The following PHLDB1 variants were observed in gnomAD, a reference collection of about 807,000 sequenced individuals.
PHLDB1 encodes pleckstrin homology-like domain family B member 1.
Under a neutral mutation model 139.3 loss-of-function variants are expected in PHLDB1, and 65 were observed. That is an observed-to-expected ratio of 0.47 (90% CI 0.38 to 0.57). The LOEUF (loss-of-function observed/expected upper bound fraction) is 0.57. Ranked by LOEUF, PHLDB1 falls within the 20% of genes least tolerant of loss-of-function variation. The pLI, the probability that PHLDB1 is intolerant of heterozygous loss-of-function variation, is 0.00. For missense variants in PHLDB1, 1,624 were observed against 1,839.7 expected, an observed-to-expected ratio of 0.88 and a Z score of 2.14; for synonymous variants, 679 against 734.5, an observed-to-expected ratio of 0.92 and a Z score of 1.22.
In PHLDB1 at chr11:118,657,539, C is replaced by G. The variant is rs1196274679; in HGVS notation, c.*716C>G. 1 of 152,826 alleles carries G rather than the reference C, an allele frequency of 6.5e-6. No homozygotes were observed. Among genetic ancestry groups the G allele is most frequent in the African/African-American group, 2.4e-5 (1 of 41,438 alleles). The allele number at this position is 152,826 out of a possible 1,614,324, so 9.5% of individuals were successfully genotyped here. A position where few individuals can be genotyped will look rare whatever the true frequency, so the allele number is the denominator to read the frequency against. ...GGGACTGAATACCTTTTTCCTTCCC[C>G]CTGCCTGTGTCTTCAGCCCTGATGC... is the stretch of plus-strand genomic sequence containing the variant. On this transcript the variant is annotated 3_prime_UTR_variant, in exon 23 of 23. Coordinates refer to ENST00000600882, the MANE Select transcript of PHLDB1 (RefSeq NM_001144758.3).
intron 4 of PHLDB1, among the ~76,000 whole-genome samples, chr11:118,621,872 A>G (rs1373277172): frequency 6.6e-6 from 1 of 152,084 alleles, no homozygotes; most frequent in African/African-American, 2.4e-5. Context: ...AGGGTCTCTG[A>G]TAGGAAGGAC....
chr11:118,622,658 A>G (rs1555096307), intron 4 of PHLDB1, among the ~76,000 whole-genome samples: 2 of 152,114 alleles, frequency 1.3e-5, no homozygotes. Flanking sequence ...CTGTGTGGTC[A>G]GGCTCCTGAT....
Position 118,631,355 on chromosome 11 carries a change from G to C in PHLDB1, c.1976G>C (p.Gly659Ala), listed in dbSNP as rs1555110080. The C allele has an allele frequency of 1.3e-6, 2 of 1,532,816 alleles. No individual in the cohort carries two copies. The highest frequency in any genetic ancestry group is 2.5e-5 in the South Asian group (2 of 80,084). 95.0% of individuals were successfully genotyped at this position (1,532,816 alleles called of 1,614,324 possible). The change falls in exon 7 of 23, where the codon GGG becomes GCG. Residue 659 changes from glycine (G) to alanine (A), a missense_variant. Transcript: ENST00000600882. Reference sequence around the variant, plus strand: ...CGGAGGCCCTCACGAGGCCTTGCAGGGGCCTCTGGGCGGAGCAGCGAGGAG... The same window carrying C: ...CGGAGGCCCTCACGAGGCCTTGCAGCGGCCTCTGGGCGGAGCAGCGAGGAG... The part of the protein sequence containing the change: ...AGRRPSRGLA[G>A]ASGRSSEEPG...
In PHLDB1 at chr11:118,627,808, G is replaced by A. The variant is rs200088993; in HGVS notation, c.985G>A (p.Gly329Ser). The change falls in exon 6 of 23, where the codon GGT becomes AGT. Residue 329 changes from glycine (G) to serine (S), a missense_variant. Coordinates refer to ENST00000600882, the MANE Select transcript of PHLDB1 (RefSeq NM_001144758.3). ...HERPPSPGLRGLLTDSPAATV... is the reference protein window; with the variant it reads ...HERPPSPGLRSLLTDSPAATV... ...GAGGCCTCCCAGCCCTGGCCTCCGG[G>A]GTCTGCTGACAGACAGCCCTGCAGC... 59 of 1,604,630 alleles carry A rather than the reference G, an allele frequency of 3.7e-5. No individual in the cohort carries two copies. The highest frequency in any genetic ancestry group is 1.7e-4 in the Middle Eastern group (1 of 6,028).
chr11:118,628,653 G>A lies in PHLDB1; in HGVS notation c.1827+3G>A, dbSNP rs1555107021. The A allele has an allele frequency of 6.2e-7, 1 of 1,605,764 alleles. No individual in the cohort carries two copies. Among genetic ancestry groups the A allele is most frequent in the East Asian group, 2.2e-5 (1 of 44,586 alleles). Reference sequence around the variant, plus strand: ...GGGAGCAGGAGATGGAGAGGCTGGTGAGCGGGTGCCAGGGAGGCTTGCCAC... The same window carrying A: ...GGGAGCAGGAGATGGAGAGGCTGGTAAGCGGGTGCCAGGGAGGCTTGCCAC... On this transcript the variant is annotated splice_donor_region_variant and intron_variant, in intron 6 of 22. Coordinates refer to ENST00000600882, the MANE Select transcript of PHLDB1 (RefSeq NM_001144758.3).
intron 12 of PHLDB1, 53 bp downstream of exon 12, chr11:118,639,304 C>A: frequency 7.6e-7 from 1 of 1,323,124 alleles, no homozygotes; most frequent in Non-Finnish European, 1.1e-6. Flanking sequence ...TCCTGGGAGG[C>A]TCTGAGTAAC....
At chr11:118,652,325 T>C (rs1301039956) in intron 20 of PHLDB1, 3 of 152,124 alleles carry the variant, frequency 2.0e-5, no homozygotes, top group Non-Finnish European at 4.4e-5. Flanking sequence ...CTAGGGACTT[T>C]GGAGAGGAAG....
chr11:118,614,001 T>A, intron 2 of PHLDB1, 105 bp downstream of exon 2: 1 of 727,354 alleles, frequency 1.4e-6, no homozygotes, highest in East Asian at 2.7e-5. Context: ...GCAATTCTGT[T>A]CCTCTCTGCC....
chr11:118,653,930 G>A (rs1555139495), intron 20 of PHLDB1: 2 of 152,258 alleles, frequency 1.3e-5, no homozygotes, highest in African/African-American at 4.8e-5. Context: ...GGCTGGAGGA[G>A]ATAGTTCCAG....
chr11:118,642,456 T>C, intron 13 of PHLDB1, 62 bp downstream of exon 13: 1 of 1,543,158 alleles, frequency 6.5e-7, no homozygotes, highest in Non-Finnish European at 8.8e-7. Flanking sequence ...TGATACCTCC[T>C]GCCAATCCAT....
chr11:118,640,101 G>A, intron 12 of PHLDB1: 1 of 590,166 alleles, frequency 1.7e-6, no homozygotes, highest in African/African-American at 2.0e-5. Context: ...TAGCTGAAGG[G>A]CATGTGGTGA....
In PHLDB1 at chr11:118,645,439, G is replaced by A. The variant is rs782011224; in HGVS notation, c.3205G>A (p.Ala1069Thr). The change falls in exon 16 of 23, where the codon GCC becomes ACC. Residue 1069 changes from alanine (A) to threonine (T), a missense_variant. Transcript: ENST00000600882. This position sits in a 1 kb window ranked among gnomAD's most constrained non-coding sequence, Gnocchi z 5.1. ...AGCTGAGGCACAGTGCCAGTGGGAT[G>A]CCCTTCACGGGGCAGCACCCTTCCC... The part of the protein sequence containing the change: ...AAAEAQCQWD[A>T]LHGAAPFPAG... The A allele has an allele frequency of 1.1e-5, 17 of 1,583,922 alleles. No homozygotes were observed. Among genetic ancestry groups the A allele is most frequent in the Non-Finnish European group, 1.5e-5 (17 of 1,166,304 alleles).
intron 6 of PHLDB1, among the ~76,000 whole-genome samples, chr11:118,629,678 C>T (rs782256273): frequency 3.9e-5 from 6 of 152,092 alleles, no homozygotes; most frequent in Non-Finnish European, 8.8e-5. Context: ...TGAGATGAGG[C>T]GGATCCCATC....
Position 118,611,200 on chromosome 11 carries a change from C to A in PHLDB1, c.-21-2616C>A, listed in dbSNP as rs12291391. On this transcript the variant is annotated intron_variant, in intron 1 of 22. Coordinates refer to ENST00000600882, the MANE Select transcript of PHLDB1 (RefSeq NM_001144758.3). The surrounding 1 kb of genome is among the most constrained non-coding windows in gnomAD (Gnocchi z 4.7). Reference sequence around the variant, plus strand: ...GCGATCGCCCTTTGGGAAAGCACCGCCTGAGTGCAGGGCAGGTTGGCCTGG... The same window carrying A: ...GCGATCGCCCTTTGGGAAAGCACCGACTGAGTGCAGGGCAGGTTGGCCTGG... 0.012 allele frequency among the ~76,000 whole-genome samples: 1,866 copies of A among 152,326 alleles called. 49 individuals carry two copies. The highest frequency in any genetic ancestry group is 0.043 in the African/African-American group (1,782 of 41,564).
chr11:118,639,980 T>A (rs957776561), intron 12 of PHLDB1: 38 of 985,952 alleles, frequency 3.9e-5, no homozygotes, highest in Non-Finnish European at 4.3e-5. Flanking sequence ...CTGCTTCCAC[T>A]CTTCTCTGCC....
chr11:118,620,802 TAC>T lies in PHLDB1; in HGVS notation c.356-4130_356-4129del, dbSNP rs1942620189. On this transcript the variant is annotated intron_variant, in intron 4 of 22. Transcript: ENST00000600882. The surrounding 1 kb of genome is among the most constrained non-coding windows in gnomAD (Gnocchi z 4.1). ...GGAGGTGGGCTGAGTGCTTGCATTGTACAGAGCACTGCTTTGGCCTGAACTCC... is the reference window on the plus strand; with the variant it reads ...GGAGGTGGGCTGAGTGCTTGCATTGTAGAGCACTGCTTTGGCCTGAACTCC... Among the ~76,000 whole-genome samples the T allele has an allele frequency of 6.6e-6, 1 of 152,132 alleles. No individual in the cohort carries two copies. Among genetic ancestry groups the T allele is most frequent in the Non-Finnish European group, 1.5e-5 (1 of 68,012 alleles).
chr11:118,627,602 C>T lies in PHLDB1; in HGVS notation c.779C>T (p.Ser260Leu). The T allele has an allele frequency of 4.3e-6, 7 of 1,613,582 alleles. No individual in the cohort carries two copies. Among genetic ancestry groups the T allele is most frequent in the Non-Finnish European group, 5.9e-6 (7 of 1,179,948 alleles). The part of the protein sequence containing the change: ...NTSPAFSPLS[S>L]PASSGSCASH... ...TCTCCAGCCTTCTCTCCACTCTCTT[C>T]ACCAGCCAGCAGTGGAAGCTGTGCC... The change falls in exon 6 of 23, where the codon TCA becomes TTA. Residue 260 changes from serine (S) to leucine (L), a missense_variant. Physicochemically the swap from Ser to Leu is moderately radical, Grantham distance 145. Coordinates refer to ENST00000600882, the MANE Select transcript of PHLDB1 (RefSeq NM_001144758.3).
At position 118,611,958 on chromosome 11, in the gene PHLDB1, T is replaced by C. The variant is rs1434865733; in HGVS notation, c.-21-1858T>C. ...CAGCTTTATTGAGGTATAATTTATA[T>C]ACTATAACATCCACCCAATTTAAGT... On this transcript the variant is annotated intron_variant, in intron 1 of 22. Coordinates refer to ENST00000600882, the MANE Select transcript of PHLDB1 (RefSeq NM_001144758.3). This position sits in a 1 kb window ranked among gnomAD's most constrained non-coding sequence, Gnocchi z 4.7. Among the ~76,000 whole-genome samples, 1 of 152,118 alleles carries C rather than the reference T, an allele frequency of 6.6e-6. No homozygotes were observed. Among genetic ancestry groups the C allele is most frequent in the Non-Finnish European group, 1.5e-5 (1 of 68,030 alleles).
intron 4 of PHLDB1, among the ~76,000 whole-genome samples, chr11:118,617,535 G>C (rs1220831188): frequency 6.6e-6 from 1 of 151,842 alleles, no homozygotes; most frequent in East Asian, 1.9e-4. Context: ...GCATGATCTC[G>C]GCTCACTACA....
Sources: allele counts gnomAD v4.1 joint callset (sites outside exome capture counted in the v4.1 genomes callset), GRCh38; gene constraint gnomAD v4.1.1; non-coding constraint Gnocchi (gnomAD v3.1); transcripts MANE v1.5; gene names NCBI Gene and HGNC (gene_info 2026-07-23, HGNC 2026-07-21).